Variants in SCAI observed in about 807,000 individuals in gnomAD.
The protein encoded by SCAI is protein SCAI.
In SCAI, 24 loss-of-function variants were observed where a neutral mutation model predicts 92.2. That is an observed-to-expected ratio of 0.26 (90% confidence interval 0.19 to 0.37). The LOEUF is 0.37. Among genes scored for constraint, SCAI ranks in the 10% least tolerant of loss-of-function variants. The pLI is 1.00. For missense variants in SCAI, 450 were observed against 736.2 expected (o/e 0.61, Z 4.50); for synonymous variants, 261 against 258.6 (o/e 1.01, Z -0.09).
intron 15 of SCAI, among the ~76,000 whole-genome samples, chr9:124,974,917 C>G (rs993768527): frequency 1.3e-5 from 2 of 152,168 alleles, no homozygotes; most frequent in Non-Finnish European, 1.5e-5. Context: ...AGTCGGGATT[C>G]AAATTCAGTC....
chr9:125,057,330 G>C (rs905532991), intron 2 of SCAI, among the ~76,000 whole-genome samples: 3 of 152,000 alleles, frequency 2.0e-5, no homozygotes, highest in African/African-American at 7.3e-5. Context: ...AGAGAAATGA[G>C]GGAAATCAAC....
intron 1 of SCAI, among the ~76,000 whole-genome samples, chr9:125,143,053 C>A (rs1378478744): frequency 6.7e-6 from 1 of 150,310 alleles, no homozygotes; most frequent in Non-Finnish European, 1.5e-5. Flanking sequence ...CCGTGCACTG[C>A]CCCCTCCACG....
intron 9 of SCAI, among the ~76,000 whole-genome samples, chr9:125,010,694 C>T (rs183296647): frequency 5.1e-4 from 77 of 152,296 alleles, no homozygotes; most frequent in African/African-American, 1.4e-3. Flanking sequence ...TCTCCCAGCA[C>T]GCAGCTTGAG....
chr9:125,054,214 A>T (rs781154582), intron 3 of SCAI, among the ~76,000 whole-genome samples: 90 of 152,192 alleles, frequency 5.9e-4, no homozygotes, highest in South Asian at 1.0e-3. Flanking sequence ...GGCTCAAGTG[A>T]TCCTCCCACC....
intron 2 of SCAI, among the ~76,000 whole-genome samples, chr9:125,139,096 A>G (rs1835608535): frequency 6.6e-6 from 1 of 152,192 alleles, no homozygotes; most frequent in Non-Finnish European, 1.5e-5. Flanking sequence ...AGTACTCCAG[A>G]AAGAAAAAGA....
chr9:125,064,784 T>C (rs1407816919), intron 2 of SCAI, among the ~76,000 whole-genome samples: 1 of 152,184 alleles, frequency 6.6e-6, no homozygotes, highest in Admixed American at 6.5e-5. Flanking sequence ...AGGCGGAGGT[T>C]GCAGTGAGCC....
intron 9 of SCAI, among the ~76,000 whole-genome samples, chr9:125,017,536 T>A (rs1388869763): frequency 3.3e-5 from 5 of 152,080 alleles, no homozygotes; most frequent in Admixed American, 6.6e-5. Context: ...ATAACAAAAG[T>A]GATTGATAGA....
intron 3 of SCAI, among the ~76,000 whole-genome samples, chr9:125,053,527 A>G (rs1833605086): frequency 6.6e-6 from 1 of 152,196 alleles, no homozygotes; most frequent in African/African-American, 2.4e-5. Context: ...CCTCAAAAAC[A>G]TTATGTTAAC....
At chr9:125,059,380 G>T (rs998386752) in intron 2 of SCAI, among the ~76,000 whole-genome samples, 1 of 152,296 alleles carries the variant, frequency 6.6e-6, no homozygotes, top group Middle Eastern at 3.4e-3. Context: ...TGTAAAGGAT[G>T]TTATTGAGAC....
rs1352594807 is a variant in SCAI at position 125,061,157 on chromosome 9, C to T, written c.99-5150G>A. On this transcript the variant is annotated intron_variant, in intron 2 of 17. Transcript: ENST00000336505. ...CTAAAAATACAAAAAATTAGCTGGG[C>T]GTGGTGGCGGGCACCTGTAGTCCCA... 6.6e-5 allele frequency among the ~76,000 whole-genome samples: 10 copies of T among 152,104 alleles called. No homozygotes were observed. In the South Asian group the frequency reaches 1.7e-3, roughly 25 times the overall value.
At chr9:125,105,902 G>T (rs906125370) in intron 2 of SCAI, among the ~76,000 whole-genome samples, 1 of 150,992 alleles carries the variant, frequency 6.6e-6, no homozygotes, top group African/African-American at 2.4e-5. Context: ...ATGGACACCA[G>T]CCTGGCCAAT....
chr9:125,110,615 T>A (rs1242019504), intron 2 of SCAI, among the ~76,000 whole-genome samples: 1 of 152,122 alleles, frequency 6.6e-6, no homozygotes, highest in Non-Finnish European at 1.5e-5. Context: ...TCTGGTTGCC[T>A]CCCCACTCTC....
chr9:125,000,445 T>C (rs10986514), intron 12 of SCAI, among the ~76,000 whole-genome samples: 34,376 of 151,810 alleles, frequency 0.23, 4,094 homozygotes, highest in Admixed American at 0.3. Context: ...AGGCCAGGAG[T>C]TCCAGACCAG....
intron 2 of SCAI, among the ~76,000 whole-genome samples, chr9:125,132,525 C>T (rs1469395294): frequency 6.6e-6 from 1 of 152,108 alleles, no homozygotes; most frequent in African/African-American, 2.4e-5. Context: ...TACCTGAAGC[C>T]GTTATCTTGC....
chr9:125,127,473 T>C (rs1228685347), intron 2 of SCAI, among the ~76,000 whole-genome samples: 2 of 149,966 alleles, frequency 1.3e-5, no homozygotes, highest in East Asian at 2.0e-4. Context: ...CAAACTACGC[T>C]CTCACCTCAG....
At chr9:124,978,152 A>G (rs1437347758) in intron 14 of SCAI, among the ~76,000 whole-genome samples, 1 of 152,138 alleles carries the variant, frequency 6.6e-6, no homozygotes, top group Non-Finnish European at 1.5e-5. Context: ...ATATTGAAAG[A>G]GCCTCTTAGC....
At chr9:125,089,673 T>G (rs1272236297) in intron 2 of SCAI, among the ~76,000 whole-genome samples, 1 of 151,524 alleles carries the variant, frequency 6.6e-6, no homozygotes, top group Non-Finnish European at 1.5e-5. Context: ...TGGGTTTTTT[T>G]TTGGTTTGGG....
chr9:125,100,704 A>G (rs958214534), intron 2 of SCAI, among the ~76,000 whole-genome samples: 7 of 152,194 alleles, frequency 4.6e-5, no homozygotes, highest in Non-Finnish European at 7.3e-5. Flanking sequence ...AGTGCTCTGG[A>G]GAAAAAGCAA....
At chr9:125,085,567 A>G (rs2131187464) in intron 2 of SCAI, among the ~76,000 whole-genome samples, 1 of 152,288 alleles carries the variant, frequency 6.6e-6, no homozygotes, top group South Asian at 2.1e-4. Context: ...TCATGCCTGT[A>G]ATCCCAGCAC....
Sources: allele counts gnomAD v4.1 joint callset (sites outside exome capture counted in the v4.1 genomes callset), GRCh38; gene constraint gnomAD v4.1.1; transcripts MANE v1.5; gene names NCBI Gene and HGNC (gene_info 2026-07-23, HGNC 2026-07-21).